The following SCN7A variants were observed in gnomAD, a reference collection of about 807,000 sequenced individuals.
SCN7A encodes the protein sodium voltage-gated channel alpha subunit 7.
SCN7A carries 138 observed loss-of-function variants against 155.2 expected under a neutral mutation model. The observed-to-expected ratio is 0.89, with a 90% CI of 0.77 to 1.02. The LOEUF (loss-of-function observed/expected upper bound fraction) is 1.02, where lower values mean the gene tolerates loss of function less well. Among genes scored for constraint, SCN7A ranks in the 50% least tolerant of loss-of-function variants. The probability of loss-of-function intolerance (pLI) is 0.00; values close to 1 mark genes in which losing one functional copy is unlikely to be tolerated. For missense variants in SCN7A, 2,058 were observed against 1,986.6 expected (o/e 1.04, Z -0.68); for synonymous variants, 693 against 649.0 (o/e 1.07, Z -1.03).
chr2:166,448,910 G>A (rs1270251075), intron 11 of SCN7A, among the ~76,000 whole-genome samples: 2 of 152,148 alleles, frequency 1.3e-5, no homozygotes, highest in Non-Finnish European at 2.9e-5. Flanking sequence ...ATTGTGATAA[G>A]TCTTGAAGAA....
At chr2:166,445,431 AACTAATAG>A (rs1328082314) in intron 12 of SCN7A, among the ~76,000 whole-genome samples, 1 of 152,186 alleles carries the variant, frequency 6.6e-6, no homozygotes, top group Admixed American at 6.5e-5. Context: ...AGTTCTAACG[AACTAATAG>A]ACAATTTTGA....
chr2:166,428,534 G>A (rs1006694883), intron 17 of SCN7A, among the ~76,000 whole-genome samples: 2 of 151,962 alleles, frequency 1.3e-5, no homozygotes, highest in East Asian at 1.9e-4. Context: ...TGCACTCTGC[G>A]CTCTGGCCAA....
chr2:166,425,320 A>G (rs183820598), intron 18 of SCN7A, among the ~76,000 whole-genome samples: 144 of 152,202 alleles, frequency 9.5e-4, no homozygotes, highest in Non-Finnish European at 1.5e-3. Flanking sequence ...AAGGAAGGAG[A>G]AGGATTGTAT....
Position 166,416,764 on chromosome 2 carries a change from T to G in SCN7A, c.3357A>C (p.Glu1119Asp). Residue 1119 changes from glutamate (E) to aspartate (D), a missense_variant, in exon 21 of 26, where the codon GAA (glutamate) becomes GAC (aspartate). Physicochemically the swap from Glu to Asp is conservative, Grantham distance 45 (BLOSUM62 2). Coordinates refer to ENST00000643258, the MANE Select transcript of SCN7A (RefSeq NM_002976.4). ...SLLFNESMLW[E>D]NAKMNFDNVG... The stretch of plus-strand genomic sequence containing the variant: ...CATTATCAAAGTTCATTTTTGCATT[T>G]TCCCATAGCATGGATTCGTTAAACA... 6.2e-7 allele frequency: 1 copy of G among 1,612,822 alleles called. No homozygotes were observed. Among genetic ancestry groups the G allele is most frequent in the Non-Finnish European group, 8.5e-7 (1 of 1,179,302 alleles).
chr2:166,454,258 T>C (rs1702232470), intron 11 of SCN7A, among the ~76,000 whole-genome samples: 1 of 152,184 alleles, frequency 6.6e-6, no homozygotes, highest in African/African-American at 2.4e-5. Flanking sequence ...CCCGGACTCA[T>C]TTCTTAGAAA....
chr2:166,482,833 A>G (rs1166855906), intron 2 of SCN7A, among the ~76,000 whole-genome samples: 1 of 151,960 alleles, frequency 6.6e-6, no homozygotes, highest in Non-Finnish European at 1.5e-5. Context: ...GGTTGAGTGC[A>G]GACTGTTAAA....
Position 166,432,447 on chromosome 2 carries a change from A to AT in SCN7A, c.2462dup (p.Asn821LysfsTer2). 1.2e-6 allele frequency: 2 copies of AT among 1,613,504 alleles called. No individual in the cohort carries two copies. Among genetic ancestry groups the AT allele is most frequent in the Non-Finnish European group, 1.7e-6 (2 of 1,179,642 alleles). On this transcript the variant is annotated frameshift_variant, in exon 16 of 26. Coordinates refer to ENST00000643258, the MANE Select transcript of SCN7A (RefSeq NM_002976.4). LOFTEE classifies it high-confidence loss of function. ...GACTGGGGATAAGTGATTGGCTCTC[A>AT]TTTTCAGTAGCGTTTTTCTCTGTGC...
At chr2:166,421,092 A>G in intron 20 of SCN7A, 98 bp downstream of exon 20, 1 of 738,640 alleles carries the variant, frequency 1.4e-6, no homozygotes, top group Non-Finnish European at 2.2e-6. Flanking sequence ...TAATACTGTT[A>G]AAGGTACAAA....
intron 22 of SCN7A, 72 bp from the exon 23 acceptor site, chr2:166,412,739 A>G (rs1701229259): frequency 7.0e-7 from 1 of 1,430,826 alleles, no homozygotes; most frequent in Non-Finnish European, 9.1e-7. Flanking sequence ...ATTTATGACA[A>G]GAAAACAATA....
chr2:166,431,230 G>A (rs961152183), intron 16 of SCN7A, among the ~76,000 whole-genome samples: 3 of 151,958 alleles, frequency 2.0e-5, no homozygotes, highest in African/African-American at 7.2e-5. Context: ...TTATAGCAAT[G>A]GTATTAATTT....
intron 6 of SCN7A, among the ~76,000 whole-genome samples, chr2:166,471,724 G>GC (rs1702659819): frequency 2.6e-5 from 2 of 76,604 alleles, no homozygotes; most frequent in South Asian, 1.0e-3. Context: ...TCCAGAAAAT[G>GC]TGGGGGGGGG....
Position 166,423,359 on chromosome 2 carries a change from G to A in SCN7A, c.2927C>T (p.Thr976Ile), listed in dbSNP as rs1265696170. The change falls in exon 19 of 26, where the codon ACT (threonine) becomes ATT (isoleucine). Residue 976 changes from threonine to isoleucine, a missense_variant. Thr to Ile is a moderately conservative substitution (Grantham distance 89). Transcript: ENST00000643258. ...ILLEYADMIF[T>I]YIFILEMLLK... ...AAGCATTTCCAGAATGAAGATATAA[G>A]TAAAGATCATGTCAGCATATTCTAA... is the stretch of plus-strand genomic sequence containing the variant. The A allele has an allele frequency of 6.2e-7, 1 of 1,611,680 alleles. No homozygotes were observed. Among genetic ancestry groups the A allele is most frequent in the Non-Finnish European group, 8.5e-7 (1 of 1,178,898 alleles).
At chr2:166,417,309 T>C (rs1701400648) in intron 20 of SCN7A, among the ~76,000 whole-genome samples, 1 of 151,896 alleles carries the variant, frequency 6.6e-6, no homozygotes, top group South Asian at 2.1e-4. Flanking sequence ...CCTTCTCTAC[T>C]AAAAATACAA....
intron 1 of SCN7A, among the ~76,000 whole-genome samples, chr2:166,487,288 G>C (rs1039815919): frequency 2.0e-5 from 3 of 152,192 alleles, no homozygotes; most frequent in Non-Finnish European, 2.9e-5. Flanking sequence ...AGAGAGCCCA[G>C]TTCCCATGCA....
At chr2:166,465,676 C>T in intron 8 of SCN7A, 105 bp downstream of exon 8, 1 of 1,354,092 alleles carries the variant, frequency 7.4e-7, no homozygotes, top group South Asian at 1.2e-5. Context: ...CAACCAGCGC[C>T]TTTGGGAATC....
In SCN7A at chr2:166,443,671, G is replaced by A; in HGVS notation, c.1632C>T (p.Phe544=). The A allele has an allele frequency of 6.5e-7, 1 of 1,536,314 alleles. No homozygotes were observed. The highest frequency in any genetic ancestry group is 2.4e-5 in the East Asian group (1 of 40,820). ...TCATTTCTGCTGTGAAAATTCCAATGAAAACCTAAATCAAAACCAAATACA... is the reference window on the plus strand; with the variant it reads ...TCATTTCTGCTGTGAAAATTCCAATAAAAACCTAAATCAAAACCAAATACA... ...NTLLNIGNLV[F]IGIFTAEMIF... The change falls in exon 14 of 26, where the codon TTC becomes TTT. Residue 544 remains phenylalanine (F), a synonymous_variant. Transcript: ENST00000643258.
chr2:166,414,213 AATAT>A (rs1281316277), intron 21 of SCN7A, among the ~76,000 whole-genome samples: 1 of 98,574 alleles, frequency 1.0e-5, no homozygotes, highest in Middle Eastern at 4.5e-3. Context: ...TATATATGTA[AATAT>A]ATATAAATAT....
intron 18 of SCN7A, among the ~76,000 whole-genome samples, chr2:166,424,140 G>A (rs1360535671): frequency 6.6e-6 from 1 of 151,994 alleles, no homozygotes; most frequent in African/African-American, 2.4e-5. Flanking sequence ...AAAACCTACT[G>A]TTAAATGGAA....
At chr2:166,428,855 G>A (rs1320097833) in intron 17 of SCN7A, among the ~76,000 whole-genome samples, 1 of 151,982 alleles carries the variant, frequency 6.6e-6, no homozygotes, top group Non-Finnish European at 1.5e-5. Context: ...CAGAAAATCA[G>A]TATAGTTAAA....
Sources: gnomAD v4.1 joint callset for allele counts (sites outside exome capture counted in the v4.1 genomes callset) on GRCh38, gnomAD v4.1.1 for gene constraint, MANE v1.5 for transcripts, NCBI Gene and HGNC (gene_info 2026-07-23, HGNC 2026-07-21) for gene names.